Variants in TACC2 observed in about 807,000 individuals in gnomAD.
TACC2 encodes the protein transforming acidic coiled-coil containing protein 2.
TACC2 carries 137 observed loss-of-function variants against 227.3 expected under a neutral mutation model. The ratio of observed to expected loss-of-function variants is 0.60; its 90% confidence interval spans 0.52 to 0.69. TACC2 has a LOEUF of 0.69. Among genes scored for constraint, TACC2 ranks in the 30% least tolerant of loss-of-function variants. The pLI, the probability that TACC2 is intolerant of heterozygous loss-of-function variation, is 0.00. For synonymous variants in TACC2, 1,523 were observed against 1,487.5 expected (o/e 1.02, Z -0.55); for missense variants, 3,470 against 3,694.4 (o/e 0.94, Z 1.57).
rs2088566622 is a variant in TACC2, at chr10:122,132,656, T to G, written c.5621T>G (p.Leu1874Arg). The G allele has an allele frequency of 1.9e-6, 3 of 1,614,202 alleles. No homozygotes were observed. Among genetic ancestry groups the G allele is most frequent in the Non-Finnish European group, 2.5e-6 (3 of 1,180,026 alleles). The change falls in exon 6 of 23, where the codon CTG (leucine) becomes CGG (arginine). Residue 1874 changes from leucine (L) to arginine (R), a missense_variant. Leu to Arg is a moderately radical substitution (Grantham distance 102). Transcript: ENST00000369005. Reference protein sequence around the residue: ...DIIQPAAPADLESPTLAASSY... With the variant: ...DIIQPAAPADRESPTLAASSY... ...ATCCAGCCCGCTGCCCCCGCAGACC[T>G]GGAAAGCCCAACCTTAGCTGCCTCT...
At chr10:122,021,686 A>G (rs569801863) in intron 1 of TACC2, among the ~76,000 whole-genome samples, 2 of 152,308 alleles carry the variant, frequency 1.3e-5, no homozygotes, top group South Asian at 2.1e-4. Context: ...TCAGAGTCTC[A>G]GTAACAAACC....
At chr10:121,993,604 TTTTG>T (rs1227824832) in intron 1 of TACC2, among the ~76,000 whole-genome samples, 2 of 151,998 alleles carry the variant, frequency 1.3e-5, no homozygotes, top group African/African-American at 2.4e-5. Flanking sequence ...CTTTCGGGGC[TTTTG>T]TTTGTTTGTT....
At chr10:122,108,733 G>T (rs1353904422) in intron 5 of TACC2, among the ~76,000 whole-genome samples, 1 of 149,420 alleles carries the variant, frequency 6.7e-6, no homozygotes, top group African/African-American at 2.5e-5. Context: ...GTGAGCCATC[G>T]CCCGGTCTTC....
chr10:122,011,188 C>T (rs1409969775), intron 1 of TACC2, among the ~76,000 whole-genome samples: 1 of 110,566 alleles, frequency 9.0e-6, no homozygotes. Flanking sequence ...GACAGGGATG[C>T]AGGGTCAGGT....
At chr10:122,073,433 C>G (rs1382185330) in intron 3 of TACC2, among the ~76,000 whole-genome samples, 3 of 152,054 alleles carry the variant, frequency 2.0e-5, no homozygotes, top group Admixed American at 6.6e-5. Flanking sequence ...GCAGATCCCA[C>G]CTGGGAGAGG....
chr10:122,167,267 G>A (rs2093226776), intron 7 of TACC2, among the ~76,000 whole-genome samples: 1 of 152,232 alleles, frequency 6.6e-6, no homozygotes, highest in Non-Finnish European at 1.5e-5. Context: ...GTAGACCTGT[G>A]GATCGAAGTA....
At position 122,084,036 on chromosome 10, in the gene TACC2, A is replaced by G; in HGVS notation, c.1536A>G (p.Gly512=). The part of the protein sequence containing the change: ...NTEQSHEVQP[G]VPPPPLPKEQ... ...AGCAAAGCCATGAGGTCCAACCAGG[A>G]GTACCACCCCCTCCTCTTCCCAAGG... is the stretch of plus-strand genomic sequence containing the variant. Residue 512 remains glycine (G), a synonymous_variant, in exon 4 of 23, where the codon GGA becomes GGG. Transcript: ENST00000369005. 6.2e-7 allele frequency: 1 copy of G among 1,613,950 alleles called. No individual in the cohort carries two copies. Among genetic ancestry groups the G allele is most frequent in the East Asian group, 2.2e-5 (1 of 44,856 alleles).
rs549950743 is a variant in TACC2, at chr10:122,033,646, C to T, written c.33+11632C>T. On this transcript the variant is annotated intron_variant, in intron 2 of 22. Transcript: ENST00000369005. ...GCTGAGTTCCGCTGCTGTGGCTCTG[C>T]CCAAAGTGTTTGCCATCCACTGGGG... Among the ~76,000 whole-genome samples the T allele has an allele frequency of 2.0e-5, 3 of 152,314 alleles. No homozygotes were observed. In the East Asian group the frequency reaches 5.8e-4, roughly 29 times the overall value.
At chr10:122,117,971 C>T (rs1055492500) in intron 5 of TACC2, among the ~76,000 whole-genome samples, 1 of 151,984 alleles carries the variant, frequency 6.6e-6, no homozygotes, top group African/African-American at 2.4e-5. Flanking sequence ...CTGCTTCACA[C>T]AGAACAGGAA....
At chr10:121,993,184 G>T (rs907277591) in intron 1 of TACC2, among the ~76,000 whole-genome samples, 1 of 151,990 alleles carries the variant, frequency 6.6e-6, no homozygotes, top group African/African-American at 2.4e-5. Flanking sequence ...AAACTCTCTG[G>T]GAGGTCCTTT....
chr10:122,215,047 C>T (rs2095372043), intron 9 of TACC2, among the ~76,000 whole-genome samples: 1 of 152,084 alleles, frequency 6.6e-6, no homozygotes, highest in Non-Finnish European at 1.5e-5. Context: ...GTTCAGATAC[C>T]CCTGGAAGAA....
At chr10:122,162,026 C>G (rs572466165) in intron 7 of TACC2, among the ~76,000 whole-genome samples, 1 of 152,340 alleles carries the variant, frequency 6.6e-6, no homozygotes, top group South Asian at 2.1e-4. Context: ...GACGGCTTCC[C>G]CGGGAGGTGC....
At chr10:122,201,222 G>T (rs543415760) in intron 8 of TACC2, among the ~76,000 whole-genome samples, 1 of 146,804 alleles carries the variant, frequency 6.8e-6, no homozygotes. Context: ...CACCTCACCC[G>T]CCCACAGTGG....
chr10:122,206,476 G>C (rs1284953488), intron 8 of TACC2, among the ~76,000 whole-genome samples: 2 of 152,316 alleles, frequency 1.3e-5, no homozygotes, highest in Middle Eastern at 3.4e-3. Context: ...GTTCCTATAC[G>C]AAGAGGAAGA....
At chr10:122,094,094 A>C (rs2081117597) in intron 5 of TACC2, among the ~76,000 whole-genome samples, 1 of 152,186 alleles carries the variant, frequency 6.6e-6, no homozygotes, top group Non-Finnish European at 1.5e-5. Context: ...AGGAAACTAA[A>C]GCCTTTACAA....
chr10:122,085,531 T>C lies in TACC2; in HGVS notation c.3031T>C (p.Cys1011Arg), dbSNP rs150064065. The C allele has an allele frequency of 2.1e-4, 336 of 1,613,338 alleles. No individual in the cohort carries two copies. In the African/African-American group the frequency reaches 3.9e-3, roughly 19 times the overall value. ...LEEGSQHEEA[C>R]QRHPGASEAA... Reference sequence around the variant, plus strand: ...AGAAGGCAGCCAGCATGAAGAAGCATGTCAAAGGCATCCAGGAGCTTCTGA... The same window carrying C: ...AGAAGGCAGCCAGCATGAAGAAGCACGTCAAAGGCATCCAGGAGCTTCTGA... Residue 1011 changes from cysteine to arginine, a missense_variant, in exon 4 of 23, where the codon TGT becomes CGT. By Grantham distance (180) the Cys-to-Arg change is radical. Transcript: ENST00000369005.
intron 3 of TACC2, among the ~76,000 whole-genome samples, chr10:122,070,293 A>T (rs1219913897): frequency 6.6e-6 from 1 of 152,138 alleles, no homozygotes; most frequent in Non-Finnish European, 1.5e-5. Context: ...AATGATTTTA[A>T]TTAATGCTAG....
In TACC2 at chr10:122,101,403, A is replaced by G. The variant is rs546125119; in HGVS notation, c.5573+12812A>G. ...CTTAGCACAGTGGGCTGCACATAGTAGCCCCTCAACAAATGTTTGTAGAAT... is the reference window on the plus strand; with the variant it reads ...CTTAGCACAGTGGGCTGCACATAGTGGCCCCTCAACAAATGTTTGTAGAAT... On this transcript the variant is annotated intron_variant, in intron 5 of 22. Transcript: ENST00000369005. Among the ~76,000 whole-genome samples, 4 of 152,234 alleles carry G rather than the reference A, an allele frequency of 2.6e-5. No homozygotes were observed. In the South Asian group the frequency reaches 8.3e-4, roughly 32 times the overall value.
chr10:122,198,874 C>T (rs980453899), intron 8 of TACC2, among the ~76,000 whole-genome samples: 3 of 152,226 alleles, frequency 2.0e-5, no homozygotes, highest in African/African-American at 7.2e-5. Context: ...TCCTGCCAGC[C>T]TGTCCTGAGA....
Sources: gnomAD v4.1 joint callset for allele counts (sites outside exome capture counted in the v4.1 genomes callset) on GRCh38, gnomAD v4.1.1 for gene constraint, MANE v1.5 for transcripts, NCBI Gene and HGNC (gene_info 2026-07-23, HGNC 2026-07-21) for gene names.